Variants in EAF2 observed in about 807,000 individuals in gnomAD.
The protein encoded by EAF2 is ELL associated factor 2, also known as ELL-associated factor 2.
A neutral mutation model predicts 29.4 loss-of-function variants in EAF2; 29 were observed. The observed-to-expected ratio is 0.99, with a 90% CI of 0.73 to 1.35. The LOEUF (loss-of-function observed/expected upper bound fraction) is 1.35, where lower values mean the gene tolerates loss of function less well. Ranked by LOEUF, EAF2 falls within the 40% of genes most tolerant of loss-of-function variation. The pLI is 0.00. For synonymous variants in EAF2, 103 were observed against 102.5 expected, an observed-to-expected ratio of 1.00 and a Z score of -0.03; for missense variants, 292 against 312.0, an observed-to-expected ratio of 0.94 and a Z score of 0.48.
intron 4 of EAF2, among the ~76,000 whole-genome samples, chr3:121,858,884 A>G (rs919969044): frequency 2.6e-5 from 4 of 152,198 alleles, no homozygotes; most frequent in Non-Finnish European, 4.4e-5. Flanking sequence ...AGCTTTCTAC[A>G]TACGGCTAGC....
rs749611850 is a variant in EAF2 at position 121,872,557 on chromosome 3, C to G, written c.505C>G (p.Leu169Val). The G allele has an allele frequency of 6.2e-7, 1 of 1,606,948 alleles. No homozygotes were observed. The highest frequency in any genetic ancestry group is 1.1e-5 in the South Asian group (1 of 90,058). The change falls in exon 5 of 6, where the codon CTA becomes GTA. Residue 169 changes from leucine (L) to valine (V), a missense_variant. Physicochemically the swap from Leu to Val is conservative, Grantham distance 32 (BLOSUM62 1). Coordinates refer to ENST00000273668, the MANE Select transcript of EAF2 (RefSeq NM_018456.6). The stretch of plus-strand genomic sequence containing the variant: ...TTCAGAACTGAAGGCAGAAGCTAGT[C>G]TAATGGACCAGATGAGTAGTTGTGA... ...IERELKAEAS[L>V]MDQMSSCDSS...
Position 121,844,195 on chromosome 3 carries a change from T to C in EAF2, c.107-258T>C, listed in dbSNP as rs557896705. Among the ~76,000 whole-genome samples, 6 of 150,610 alleles carry C rather than the reference T, an allele frequency of 4.0e-5. No homozygotes were observed. In the South Asian group the frequency reaches 1.3e-3, roughly 32 times the overall value. On this transcript the variant is annotated intron_variant, in intron 1 of 5. Transcript: ENST00000273668. ...GAACATGTTAGTCAGGTTCATCTTG[T>C]CTAAACAGGATTCTATGGAAGCATG... is the stretch of plus-strand genomic sequence containing the variant.
chr3:121,871,037 AAG>A (rs759150650), intron 4 of EAF2, among the ~76,000 whole-genome samples: 5 of 152,012 alleles, frequency 3.3e-5, no homozygotes, highest in African/African-American at 4.8e-5. Flanking sequence ...CTTTCTACCT[AAG>A]AGAAATGTGT....
chr3:121,882,894 T>C lies in EAF2; in HGVS notation c.737-3448T>C, dbSNP rs528814577. 3.9e-5 allele frequency among the ~76,000 whole-genome samples: 6 copies of C among 151,904 alleles called. 1 individual carries two copies. In the South Asian group the frequency reaches 1.2e-3, roughly 32 times the overall value. On this transcript the variant is annotated intron_variant, in intron 5 of 5. Transcript: ENST00000273668. The stretch of plus-strand genomic sequence containing the variant: ...TCTGACCATTACTGCAATCATCCCA[T>C]TGCTCAGCTTTATGAGACCCAACAC...
At chr3:121,849,689 T>C (rs1377664861) in intron 2 of EAF2, among the ~76,000 whole-genome samples, 1 of 152,152 alleles carries the variant, frequency 6.6e-6, no homozygotes, top group African/African-American at 2.4e-5. Flanking sequence ...ATGACCCTCT[T>C]GGGCAAAGTC....
At chr3:121,868,397 G>A (rs1051031168) in intron 4 of EAF2, among the ~76,000 whole-genome samples, 2 of 152,064 alleles carry the variant, frequency 1.3e-5, no homozygotes, top group African/African-American at 2.4e-5. Flanking sequence ...TCAGGAGTTC[G>A]TGACCAGCCT....
At chr3:121,883,595 T>TGCAAGACTGGTTCATCCATTGC in intron 5 of EAF2, among the ~76,000 whole-genome samples, 1 of 152,332 alleles carries the variant, frequency 6.6e-6, no homozygotes, top group East Asian at 1.9e-4. Flanking sequence ...TTCTTTATTG[T>TGCAAGACTGGTTCATCCATTGC]GCAAGACTGG....
chr3:121,884,081 T>TA (rs1241700200), intron 5 of EAF2, among the ~76,000 whole-genome samples: 1 of 152,148 alleles, frequency 6.6e-6, no homozygotes, highest in Admixed American at 6.5e-5. Context: ...CTCATGCCTG[T>TA]AATCTCAGCA....
At chr3:121,837,892 A>G (rs1349034294) in intron 1 of EAF2, 2 of 152,176 alleles carry the variant, frequency 1.3e-5, no homozygotes, top group Non-Finnish European at 1.5e-5. Flanking sequence ...ACTAGAATCA[A>G]TTTTGAATTG....
At chr3:121,851,996 A>G (rs1028229076) in intron 2 of EAF2, among the ~76,000 whole-genome samples, 6 of 152,214 alleles carry the variant, frequency 3.9e-5, no homozygotes, top group African/African-American at 1.2e-4. Context: ...GAGAAAGTTT[A>G]CATTTATAAA....
chr3:121,884,579 C>A (rs2107553178), intron 5 of EAF2, among the ~76,000 whole-genome samples: 1 of 151,904 alleles, frequency 6.6e-6, no homozygotes, highest in Middle Eastern at 3.4e-3. Context: ...AGGCATGTGC[C>A]ACCATGCCCA....
intron 1 of EAF2, among the ~76,000 whole-genome samples, chr3:121,841,369 G>T (rs560176269): frequency 6.6e-6 from 1 of 151,466 alleles, no homozygotes; most frequent in East Asian, 2.0e-4. Flanking sequence ...TCGGGCTGTA[G>T]TGGCGCACGC....
In EAF2 at chr3:121,835,320, G is replaced by A. The variant is rs937925819; in HGVS notation, c.35G>A (p.Arg12His). Residue 12 changes from arginine to histidine, a missense_variant, in exon 1 of 6, where the codon CGT (arginine) becomes CAT (histidine). Physicochemically the swap from Arg to His is conservative, Grantham distance 29. Transcript: ENST00000273668. ...GCAGCGGGATTCTCACACCTAGACC[G>A]TCGCGAGCGGGTTCTCAAGTTAGGG... ...NSAAGFSHLD[R>H]RERVLKLGES... is the part of the protein sequence containing the mutation. 1.1e-5 allele frequency: 18 copies of A among 1,614,228 alleles called. No homozygotes were observed. Among genetic ancestry groups the A allele is most frequent in the Non-Finnish European group, 1.5e-5 (18 of 1,180,036 alleles).
intron 5 of EAF2, among the ~76,000 whole-genome samples, chr3:121,876,681 A>G (rs1381925994): frequency 6.6e-6 from 1 of 151,984 alleles, no homozygotes; most frequent in Non-Finnish European, 1.5e-5. Context: ...TGACTTTATT[A>G]GATAAATTTG....
At chr3:121,857,318 C>G (rs997534400) in intron 4 of EAF2, among the ~76,000 whole-genome samples, 162 bp downstream of exon 4, 1 of 151,972 alleles carries the variant, frequency 6.6e-6, no homozygotes, top group East Asian at 1.9e-4. Context: ...ATGGTGAAAC[C>G]GCATCTCTGC....
intron 2 of EAF2, among the ~76,000 whole-genome samples, chr3:121,851,898 T>C (rs1708640218): frequency 1.3e-5 from 2 of 152,210 alleles, no homozygotes; most frequent in South Asian, 4.1e-4. Context: ...TGTCTGGTAC[T>C]TTAGTAGTTG....
chr3:121,851,902 G>A (rs1274025883), intron 2 of EAF2, among the ~76,000 whole-genome samples: 2 of 152,186 alleles, frequency 1.3e-5, no homozygotes, highest in African/African-American at 4.8e-5. Flanking sequence ...TGGTACTTTA[G>A]TAGTTGCCTT....
chr3:121,849,044 A>G (rs889848141), intron 2 of EAF2, among the ~76,000 whole-genome samples: 2 of 152,190 alleles, frequency 1.3e-5, no homozygotes, highest in Non-Finnish European at 2.9e-5. Context: ...TCACTTAAAG[A>G]ACATCTTTAA....
intron 1 of EAF2, among the ~76,000 whole-genome samples, chr3:121,838,513 TA>T (rs1433261864): frequency 6.6e-6 from 1 of 152,140 alleles, no homozygotes; most frequent in Non-Finnish European, 1.5e-5. Flanking sequence ...TAATGGGTAA[TA>T]AAGAGTAGAG....
Sources: allele counts gnomAD v4.1 joint callset (sites outside exome capture counted in the v4.1 genomes callset), GRCh38; gene constraint gnomAD v4.1.1; transcripts MANE v1.5; gene names NCBI Gene and HGNC (gene_info 2026-07-23, HGNC 2026-07-21).